Variants in RSPH3 observed in about 807,000 individuals in gnomAD.
The protein encoded by RSPH3 is radial spoke head 3, also known as radial spoke head protein 3 homolog.
A neutral mutation model predicts 43.8 loss-of-function variants in RSPH3; 21 were observed. That is an observed-to-expected ratio of 0.48 (90% CI 0.34 to 0.69). The LOEUF (loss-of-function observed/expected upper bound fraction) is 0.69. Among genes scored for constraint, RSPH3 ranks in the 30% least tolerant of loss-of-function variants. RSPH3 has a pLI of 0.01. For missense variants in RSPH3, 487 were observed against 516.0 expected, an observed-to-expected ratio of 0.94 and a Z score of 0.54; for synonymous variants, 173 against 179.8, an observed-to-expected ratio of 0.96 and a Z score of 0.30.
chr6:158,987,016 T>C (rs1174061262), intron 2 of RSPH3, among the ~76,000 whole-genome samples: 2 of 152,192 alleles, frequency 1.3e-5, no homozygotes, highest in African/African-American at 4.8e-5. Context: ...TTTTCTTTTC[T>C]TTCTTTTTCT....
chr6:158,964,107 C>T, the RSPH3 span, among the ~76,000 whole-genome samples: 1 of 152,126 alleles, frequency 6.6e-6, no homozygotes, highest in Non-Finnish European at 1.5e-5. Flanking sequence ...TTGGGTTCCA[C>T]AGACCAATAA....
At position 158,974,647 on chromosome 6, in the gene RSPH3, C is replaced by G. The variant is rs912880482; in HGVS notation, c.*2891G>C. On this transcript the variant is annotated 3_prime_UTR_variant, in exon 8 of 8. Coordinates refer to ENST00000367069, the MANE Select transcript of RSPH3 (RefSeq NM_031924.8). The stretch of plus-strand genomic sequence containing the variant: ...ACCTCTCAATTATTTTGATTTCTCT[C>G]TAGGATGGACTAGGATTGCAATTAA... 7.2e-5 allele frequency: 11 copies of G among 152,098 alleles called. No homozygotes were observed. The highest frequency in any genetic ancestry group is 3.3e-4 in the Admixed American group (5 of 15,284). The allele number at this position is 152,098 out of a possible 1,614,324, so 9.4% of individuals were successfully genotyped here. A position where few individuals can be genotyped will look rare whatever the true frequency, so the allele number is the denominator to read the frequency against.
rs1314378398 is a variant in RSPH3 at position 158,975,937 on chromosome 6, C to T, written c.*1601G>A. ...GTGGCTCATGCCTGTAGTCCTAGCA[C>T]TTTGGGAGGCCAAGGTGGGCAGATC... On this transcript the variant is annotated 3_prime_UTR_variant, in exon 8 of 8. Coordinates refer to ENST00000367069, the MANE Select transcript of RSPH3 (RefSeq NM_031924.8). The T allele has an allele frequency of 6.6e-6, 1 of 152,436 alleles. No individual in the cohort carries two copies. Among genetic ancestry groups the T allele is most frequent in the African/African-American group, 2.4e-5 (1 of 41,472 alleles). 9.4% of individuals were successfully genotyped at this position (152,436 alleles called of 1,614,324 possible).
chr6:158,966,887 G>GT, the RSPH3 span, among the ~76,000 whole-genome samples: 9 of 150,970 alleles, frequency 6.0e-5, no homozygotes, highest in Non-Finnish European at 1.3e-4. Flanking sequence ...TCTTCTTTTC[G>GT]TTTTTTAAGG....
chr6:159,000,166 C>G lies in RSPH3; in HGVS notation c.-616G>C. 1.7e-6 allele frequency: 1 copy of G among 599,502 alleles called. No individual in the cohort carries two copies. Among genetic ancestry groups the G allele is most frequent in the East Asian group, 3.1e-5 (1 of 32,142 alleles). The allele number at this position is 599,502 out of a possible 1,614,324, so 37.1% of individuals were successfully genotyped here. ...CCCGCGATAACACGCCCCTGGCAGCCAGGCTCCCAGCTCTGTTACGTGCCC... is the reference window on the plus strand; with the variant it reads ...CCCGCGATAACACGCCCCTGGCAGCGAGGCTCCCAGCTCTGTTACGTGCCC... On this transcript the variant is annotated 5_prime_UTR_variant, in exon 1 of 8. Transcript: ENST00000367069.
chr6:159,000,119 G>T lies in RSPH3; in HGVS notation c.-569C>A, dbSNP rs1440176342. ...CCTCGGCTGTTTCTCCTGCCGCGGC[G>T]CAGCAGCGCTCCCAGGCTGCCCCCG... On this transcript the variant is annotated 5_prime_UTR_variant, in exon 1 of 8. Transcript: ENST00000367069. The T allele has an allele frequency of 2.3e-6, 2 of 867,730 alleles. No individual in the cohort carries two copies. The highest frequency in any genetic ancestry group is 3.3e-5 in the Admixed American group (1 of 29,890). 53.8% of individuals were successfully genotyped at this position (867,730 alleles called of 1,614,324 possible). A position where few individuals can be genotyped will look rare whatever the true frequency, so the allele number is the denominator to read the frequency against.
In RSPH3 at chr6:158,983,657, T is replaced by G. The variant is rs759294924; in HGVS notation, c.492+5A>C. 13 of 1,609,986 alleles carry G rather than the reference T, an allele frequency of 8.1e-6. No homozygotes were observed. The highest frequency in any genetic ancestry group is 1.1e-5 in the Non-Finnish European group (13 of 1,176,310). Reference sequence around the variant, plus strand: ...ATAGAGGGAAGCCCAAAGGATGTACTGTACCTCTCCTTCTAGTATTTGGGT... The same window carrying G: ...ATAGAGGGAAGCCCAAAGGATGTACGGTACCTCTCCTTCTAGTATTTGGGT... On this transcript the variant is annotated splice_donor_5th_base_variant and intron_variant, in intron 4 of 7. Transcript: ENST00000367069.
chr6:158,973,054 T>C lies in RSPH3; in HGVS notation c.*4484A>G, dbSNP rs1777721651. ...TGACTGTGAACAAGATTGTGGAAGGTTGGTTGAGGTTAGGCCTAGGCATTA... is the reference window on the plus strand; with the variant it reads ...TGACTGTGAACAAGATTGTGGAAGGCTGGTTGAGGTTAGGCCTAGGCATTA... On this transcript the variant is annotated 3_prime_UTR_variant, in exon 8 of 8. Transcript: ENST00000367069. The C allele has an allele frequency of 6.6e-6, 1 of 152,178 alleles. No homozygotes were observed. The highest frequency in any genetic ancestry group is 2.1e-4 in the South Asian group (1 of 4,830). The allele number at this position is 152,178 out of a possible 1,614,324, so 9.4% of individuals were successfully genotyped here. A position where few individuals can be genotyped will look rare whatever the true frequency, so the allele number is the denominator to read the frequency against.
Position 158,999,725 on chromosome 6 carries a change from G to A in RSPH3, c.-175C>T. The A allele has an allele frequency of 6.2e-7, 1 of 1,613,494 alleles. No individual in the cohort carries two copies. Among genetic ancestry groups the A allele is most frequent in the Non-Finnish European group, 8.5e-7 (1 of 1,179,692 alleles). On this transcript the variant is annotated 5_prime_UTR_variant, in exon 1 of 8. Coordinates refer to ENST00000367069, the MANE Select transcript of RSPH3 (RefSeq NM_031924.8). ...ACGGGAGGTTACCAGCGCAGGAGGT[G>A]GGAGCTATACTGGGCTCGCTCCCAG...
the RSPH3 span, among the ~76,000 whole-genome samples, chr6:158,962,990 A>C: frequency 6.6e-6 from 1 of 152,228 alleles, no homozygotes. Flanking sequence ...TTTATGATTG[A>C]AAATGTTGTT....
At chr6:158,994,295 A>G (rs1778516059) in intron 1 of RSPH3, among the ~76,000 whole-genome samples, 1 of 152,222 alleles carries the variant, frequency 6.6e-6, no homozygotes, top group South Asian at 2.1e-4. Context: ...TCCCATTTGA[A>G]AAGGAGCCTT....
chr6:158,982,829 G>T (rs1225038476), intron 4 of RSPH3, 141 bp from the exon 5 acceptor site: 1 of 585,902 alleles, frequency 1.7e-6, no homozygotes, highest in Non-Finnish European at 2.9e-6. Context: ...CTTTATTCAT[G>T]GTTTCTAATC....
chr6:158,971,389 T>C (rs1777692671), downstream of RSPH3, among the ~76,000 whole-genome samples: 1 of 152,242 alleles, frequency 6.6e-6, no homozygotes, highest in Non-Finnish European at 1.5e-5. Context: ...ACATTGCTTT[T>C]ATGGAGGAAC....
At chr6:158,986,520 T>A in intron 2 of RSPH3, 99 bp from the exon 3 acceptor site, 1 of 879,282 alleles carries the variant, frequency 1.1e-6, no homozygotes, top group South Asian at 1.7e-5. Context: ...TATAAAGGCA[T>A]TTGTCATAAT....
intron 3 of RSPH3, among the ~76,000 whole-genome samples, chr6:158,985,876 C>T (rs1468754846): frequency 6.8e-6 from 1 of 148,134 alleles, no homozygotes; most frequent in African/African-American, 2.5e-5. Flanking sequence ...TGCAATGGTG[C>T]GATCTCGGCT....
rs766841011 is a variant in RSPH3 at position 158,983,806 on chromosome 6, T to G, written c.348A>C (p.Glu116Asp). The change falls in exon 4 of 8, where the codon GAA becomes GAC. Residue 116 changes from glutamate (E) to aspartate (D), a missense_variant and splice_region_variant. Coordinates refer to ENST00000367069, the MANE Select transcript of RSPH3 (RefSeq NM_031924.8). ...EGRKHVDVQT[E>D]LYLEEIADRI... Reference sequence around the variant, plus strand: ...GATCAGCAATTTCTTCAAGGTATAATTCTAAGAAGAATATCATATATATCG... The same window carrying G: ...GATCAGCAATTTCTTCAAGGTATAAGTCTAAGAAGAATATCATATATATCG... The G allele has an allele frequency of 6.3e-7, 1 of 1,591,516 alleles. No homozygotes were observed. The highest frequency in any genetic ancestry group is 8.6e-7 in the Non-Finnish European group (1 of 1,159,626).
intron 6 of RSPH3, 134 bp downstream of exon 6, chr6:158,980,640 T>C: frequency 1.1e-5 from 8 of 701,508 alleles, no homozygotes; most frequent in South Asian, 2.0e-5. Context: ...GTACTTACTT[T>C]AAACAACTAA....
chr6:158,995,291 C>T (rs965972911), intron 1 of RSPH3, among the ~76,000 whole-genome samples: 1 of 152,202 alleles, frequency 6.6e-6, no homozygotes, highest in Non-Finnish European at 1.5e-5. Context: ...CATTCCAACT[C>T]ATTACTTCTT....
At position 158,980,927 on chromosome 6, in the gene RSPH3, T is replaced by G; in HGVS notation, c.706A>C (p.Lys236Gln). Reference sequence around the variant, plus strand: ...TGCATTATTTCCCACTGCTGTTTCTTACGCCGTTCCTGCCAAGAACGACAG... The same window carrying G: ...TGCATTATTTCCCACTGCTGTTTCTGACGCCGTTCCTGCCAAGAACGACAG... ...RRHREEKERR[K>Q]KQQWEIMHKH... The change falls in exon 6 of 8, where the codon AAG becomes CAG. Residue 236 changes from lysine (K) to glutamine (Q), a missense_variant. Lys to Gln is a moderately conservative substitution (Grantham distance 53). Transcript: ENST00000367069. The G allele has an allele frequency of 6.2e-7, 1 of 1,614,084 alleles. No individual in the cohort carries two copies. The highest frequency in any genetic ancestry group is 8.5e-7 in the Non-Finnish European group (1 of 1,179,958).
Sources: gnomAD v4.1 joint callset for allele counts (sites outside exome capture counted in the v4.1 genomes callset) on GRCh38, gnomAD v4.1.1 for gene constraint, MANE v1.5 for transcripts, NCBI Gene and HGNC (gene_info 2026-07-23, HGNC 2026-07-21) for gene names.